CHODL: variants seen among roughly 807,000 people sequenced by gnomAD.
CHODL encodes the protein chondrolectin, also known as transmembrane protein MT75.
Under a neutral mutation model 34.5 loss-of-function variants are expected in CHODL, and 29 were observed. The ratio of observed to expected loss-of-function variants is 0.84; its 90% CI spans 0.63 to 1.15. CHODL has a LOEUF of 1.15. CHODL is among the 50% of genes most tolerant of loss of function. The probability of loss-of-function intolerance (pLI) is 0.00; values close to 1 mark genes in which losing one functional copy is unlikely to be tolerated. For synonymous variants in CHODL, 125 were observed against 116.1 expected (o/e 1.08, Z -0.49); for missense variants, 332 against 332.5 (o/e 1.00, Z 0.01).
chr21:18,005,547 A>T (rs1385287780), intron 1 of CHODL, among the ~76,000 whole-genome samples: 3 of 152,218 alleles, frequency 2.0e-5, no homozygotes, highest in African/African-American at 7.2e-5. Context: ...GGTTTGTGTT[A>T]AAGTTATTTG....
chr21:18,190,964 G>A (rs2073503895), intron 2 of CHODL, among the ~76,000 whole-genome samples: 1 of 152,050 alleles, frequency 6.6e-6, no homozygotes, highest in Non-Finnish European at 1.5e-5. Context: ...GAGGTTCCTT[G>A]CTTACATCAG....
At chr21:18,027,990 T>C (rs2064194273) in intron 2 of CHODL, 1 of 152,484 alleles carries the variant, frequency 6.6e-6, no homozygotes, top group South Asian at 2.1e-4. Context: ...TAAATTTCTA[T>C]TGTTTAAGCC....
chr21:18,085,073 A>G (rs1023069763), intron 2 of CHODL, among the ~76,000 whole-genome samples: 2 of 151,858 alleles, frequency 1.3e-5, no homozygotes, highest in Non-Finnish European at 2.9e-5. Context: ...TTTTTAATTT[A>G]AAATGTTCTA....
chr21:18,250,245 A>G (rs1011207593), intron 1 of CHODL, among the ~76,000 whole-genome samples: 1 of 152,148 alleles, frequency 6.6e-6, no homozygotes, highest in African/African-American at 2.4e-5. Context: ...TTGATTGGCT[A>G]CATGAACTCT....
At chr21:18,142,598 C>T (rs953331248) in intron 2 of CHODL, among the ~76,000 whole-genome samples, 2 of 152,252 alleles carry the variant, frequency 1.3e-5, no homozygotes, top group African/African-American at 4.8e-5. Context: ...GCTTGGGTCA[C>T]GTTACCCTGA....
At chr21:18,048,929 T>TA (rs879589599) in intron 2 of CHODL, among the ~76,000 whole-genome samples, 6 of 151,800 alleles carry the variant, frequency 4.0e-5, no homozygotes, top group Admixed American at 1.3e-4. Flanking sequence ...CACATTTTTT[T>TA]AAAAAAAATA....
At chr21:18,017,358 T>C (rs158057) in intron 1 of CHODL, among the ~76,000 whole-genome samples, 62,275 of 152,014 alleles carry the variant, frequency 0.41, 15,575 homozygotes, top group African/African-American at 0.71. Context: ...AGTTTTCACA[T>C]TGGTTGTTTA....
At chr21:18,052,248 A>C (rs1410865242) in intron 2 of CHODL, among the ~76,000 whole-genome samples, 1 of 151,944 alleles carries the variant, frequency 6.6e-6, no homozygotes. Flanking sequence ...ATTTTTTTTA[A>C]GTAGTGATTA....
chr21:17,922,742 G>T (rs2063192292), intron 1 of CHODL, among the ~76,000 whole-genome samples: 1 of 152,174 alleles, frequency 6.6e-6, no homozygotes, highest in Admixed American at 6.5e-5. Context: ...AATGCACTGA[G>T]ATGTAGCTCC....
At chr21:18,086,975 TG>T (rs2065015393) in intron 2 of CHODL, among the ~76,000 whole-genome samples, 1 of 152,116 alleles carries the variant, frequency 6.6e-6, no homozygotes, top group Non-Finnish European at 1.5e-5. Flanking sequence ...AAGCAGTCCA[TG>T]TGGGTGTTCC....
chr21:18,172,231 T>G (rs1314387294), intron 2 of CHODL, among the ~76,000 whole-genome samples: 1 of 152,236 alleles, frequency 6.6e-6, no homozygotes, highest in Non-Finnish European at 1.5e-5. Context: ...GTTAGACAGT[T>G]GCCACTGTTT....
At chr21:17,949,489 G>A (rs990375975) in intron 1 of CHODL, among the ~76,000 whole-genome samples, 2 of 152,174 alleles carry the variant, frequency 1.3e-5, no homozygotes, top group Non-Finnish European at 2.9e-5. Flanking sequence ...CTGTGTCTAT[G>A]TGGGAGGGGG....
chr21:18,021,437 AC>A (rs1292449292), intron 1 of CHODL, among the ~76,000 whole-genome samples: 1 of 152,132 alleles, frequency 6.6e-6, no homozygotes, highest in African/African-American at 2.4e-5. Flanking sequence ...TGTCCAGCAA[AC>A]AGTTTCCTTC....
In CHODL at chr21:18,201,981, T is replaced by A. The variant is rs990737936; in HGVS notation, c.-44-54528T>A. On this transcript the variant is annotated intron_variant, in intron 2 of 6. Coordinates refer to the CHODL transcript ENST00000400127. ...CACCACACTCGACTAATTTTTTGTA[T>A]TTTTTAGTAGAGACGGGGCTTCACC... Among the ~76,000 whole-genome samples the A allele has an allele frequency of 4.0e-5, 6 of 151,864 alleles. No individual in the cohort carries two copies. In the South Asian group the frequency reaches 8.3e-4, roughly 21 times the overall value.
chr21:17,917,495 G>T (rs2063149270), intron 1 of CHODL: 1 of 151,454 alleles, frequency 6.6e-6, no homozygotes, highest in Non-Finnish European at 1.5e-5. Flanking sequence ...AAATAACCTG[G>T]GGCTAGCGAC....
intron 1 of CHODL, among the ~76,000 whole-genome samples, chr21:18,250,547 A>C (rs1249889745): frequency 6.6e-6 from 1 of 151,956 alleles, no homozygotes; most frequent in African/African-American, 2.4e-5. Flanking sequence ...TCTCTGTTGT[A>C]AAAATAAAAG....
chr21:17,921,692 GT>G (rs1290049406), intron 1 of CHODL, among the ~76,000 whole-genome samples: 1 of 152,192 alleles, frequency 6.6e-6, no homozygotes, highest in African/African-American at 2.4e-5. Context: ...TATTACAGCA[GT>G]TAGTATATCC....
chr21:18,065,543 TAAG>T (rs951971967), intron 2 of CHODL, among the ~76,000 whole-genome samples: 2 of 152,162 alleles, frequency 1.3e-5, no homozygotes, highest in Non-Finnish European at 2.9e-5. Context: ...TATTATTTAA[TAAG>T]AAGGGAAGGA....
At chr21:18,250,507 G>A (rs1328803181) in intron 1 of CHODL, among the ~76,000 whole-genome samples, 2 of 151,814 alleles carry the variant, frequency 1.3e-5, no homozygotes, top group Admixed American at 6.6e-5. Context: ...TCCAGCTATA[G>A]TGCACTATGC....
Sources: gnomAD v4.1 joint callset for allele counts (sites outside exome capture counted in the v4.1 genomes callset) on GRCh38, gnomAD v4.1.1 for gene constraint, MANE v1.5 for transcripts, NCBI Gene and HGNC (gene_info 2026-07-23, HGNC 2026-07-21) for gene names.